The following CDK1 variants were observed in gnomAD, a reference collection of about 807,000 sequenced individuals.
CDK1 encodes the protein cyclin-dependent kinase 1.
In CDK1, 5 loss-of-function variants were observed where a neutral mutation model predicts 34.6. That is an observed-to-expected ratio of 0.14 (90% CI 0.08 to 0.30). The LOEUF is 0.30. Among genes scored for constraint, CDK1 ranks in the 10% least tolerant of loss-of-function variants. CDK1 has a pLI of 1.00. For missense variants in CDK1, 157 were observed against 345.7 expected, an observed-to-expected ratio of 0.45 and a Z score of 4.33; for synonymous variants, 108 against 114.7, an observed-to-expected ratio of 0.94 and a Z score of 0.37.
intron 2 of CDK1, among the ~76,000 whole-genome samples, chr10:60,783,015 T>C (rs977153703): frequency 1.3e-5 from 2 of 152,154 alleles, no homozygotes; most frequent in African/African-American, 4.8e-5. Flanking sequence ...AAATTAGTTC[T>C]GAACTTACCA....
chr10:60,786,419 A>C (rs1180025149), intron 4 of CDK1: 1 of 714,142 alleles, frequency 1.4e-6, no homozygotes, highest in Non-Finnish European at 1.7e-6. Flanking sequence ...CAAGACGTAG[A>C]TCTACCTATG....
Position 60,792,242 on chromosome 10 carries a change from G to A in CDK1, c.748G>A (p.Ala250Thr), listed in dbSNP as rs1208109737. The A allele has an allele frequency of 1.2e-6, 2 of 1,612,300 alleles. No individual in the cohort carries two copies. The highest frequency in any genetic ancestry group is 2.2e-5 in the South Asian group (2 of 90,800). ...TFPKWKPGSL[A>T]SHVKNLDENG... is the part of the protein sequence containing the mutation. Reference sequence around the variant, plus strand: ...TCCCAAATGGAAACCAGGAAGCCTAGCATCCCATGTCAAAAACTTGGATGA... The same window carrying A: ...TCCCAAATGGAAACCAGGAAGCCTAACATCCCATGTCAAAAACTTGGATGA... Residue 250 changes from alanine to threonine, a missense_variant, in exon 7 of 8, where the codon GCA becomes ACA. Ala to Thr is a moderately conservative substitution (Grantham distance 58). Around this residue, in one of 3 missense-constraint regions of CDK1, gnomAD observed 102 missense variants for 233.6 expected, o/e 0.44. Coordinates refer to ENST00000395284, the MANE Select transcript of CDK1 (RefSeq NM_001786.5).
At chr10:60,787,052 T>C in intron 4 of CDK1, 1 of 984,778 alleles carries the variant, frequency 1.0e-6, no homozygotes, top group Non-Finnish European at 1.2e-6. Flanking sequence ...GGATACAGAT[T>C]CTGCTTTATC....
Position 60,788,156 on chromosome 10 carries a change from A to C in CDK1, c.415A>C (p.Lys139Gln), listed in dbSNP as rs767353239. 6.2e-7 allele frequency: 1 copy of C among 1,611,648 alleles called. No individual in the cohort carries two copies. Among genetic ancestry groups the C allele is most frequent in the Admixed American group, 1.7e-5 (1 of 59,926 alleles). Residue 139 changes from lysine to glutamine, a missense_variant, in exon 5 of 8, where the codon AAA becomes CAA. Lys to Gln is a moderately conservative substitution (Grantham distance 53). Around this residue, in one of 3 missense-constraint regions of CDK1, gnomAD observed 102 missense variants for 233.6 expected, o/e 0.44. Transcript: ENST00000395284. ...ACCTCAAAATCTCTTGATTGATGAC[A>C]AAGGAACAATTAAACTGGCTGATTT... is the stretch of plus-strand genomic sequence containing the variant. ...LKPQNLLIDD[K>Q]GTIKLADFGL... is the part of the protein sequence containing the mutation.
rs972334861 is a variant in CDK1, at chr10:60,793,987, A to T, written c.*12A>T. ...TTAAGAAGATGTAGCTTTCTGACAA[A>T]AAGTTTCCATATGTTATATCAACAG... On this transcript the variant is annotated 3_prime_UTR_variant, in exon 8 of 8. Transcript: ENST00000395284. The T allele has an allele frequency of 1.5e-6, 2 of 1,343,334 alleles. No individual in the cohort carries two copies. Among genetic ancestry groups the T allele is most frequent in the Non-Finnish European group, 2.0e-6 (2 of 976,468 alleles). 83.2% of individuals were successfully genotyped at this position (1,343,334 alleles called of 1,614,324 possible).
intron 5 of CDK1, among the ~76,000 whole-genome samples, chr10:60,789,016 C>T (rs908289601): frequency 3.3e-5 from 5 of 152,054 alleles, no homozygotes; most frequent in African/African-American, 1.2e-4. Context: ...AATATTTTTA[C>T]CATATGATAA....
intron 2 of CDK1, among the ~76,000 whole-genome samples, chr10:60,782,719 C>T (rs1343218345): frequency 6.6e-6 from 1 of 152,006 alleles, no homozygotes; most frequent in East Asian, 1.9e-4. Flanking sequence ...TGATTTTTGC[C>T]TCCTTAGTTA....
At chr10:60,793,449 T>TG (rs2080375330) in intron 7 of CDK1, among the ~76,000 whole-genome samples, 1 of 152,038 alleles carries the variant, frequency 6.6e-6, no homozygotes, top group Admixed American at 6.6e-5. Flanking sequence ...CATTGTGCTA[T>TG]GGGGGGTTTT....
At position 60,794,267 on chromosome 10, in the gene CDK1, C is replaced by T. The variant is rs2080382701; in HGVS notation, c.*292C>T. Reference sequence around the variant, plus strand: ...TGAGTTGGCTTAAATCATCTCAGTCCTTATGGCAGTTTTATTTTCCTGTAG... The same window carrying T: ...TGAGTTGGCTTAAATCATCTCAGTCTTTATGGCAGTTTTATTTTCCTGTAG... On this transcript the variant is annotated 3_prime_UTR_variant, in exon 8 of 8. Coordinates refer to ENST00000395284, the MANE Select transcript of CDK1 (RefSeq NM_001786.5). 1.0e-5 allele frequency: 2 copies of T among 196,350 alleles called. No individual in the cohort carries two copies. The highest frequency in any genetic ancestry group is 4.6e-5 in the African/African-American group (2 of 43,016). The allele number at this position is 196,350 out of a possible 1,614,324, so 12.2% of individuals were successfully genotyped here.
At chr10:60,788,516 T>C (rs967178276) in intron 5 of CDK1, among the ~76,000 whole-genome samples, 1 of 152,094 alleles carries the variant, frequency 6.6e-6, no homozygotes, top group East Asian at 1.9e-4. Context: ...TTTTCATTAT[T>C]TTTTACTTTA....
intron 5 of CDK1, 39 bp from the exon 6 acceptor site, chr10:60,791,851 C>T (rs2080362318): frequency 1.7e-6 from 2 of 1,196,618 alleles, no homozygotes; most frequent in Non-Finnish European, 2.4e-6. Context: ...TAATTTTATG[C>T]ACCACATTTA....
intron 5 of CDK1, among the ~76,000 whole-genome samples, chr10:60,789,967 G>A (rs1159786932): frequency 6.6e-6 from 1 of 152,058 alleles, no homozygotes; most frequent in African/African-American, 2.4e-5. Flanking sequence ...GCTCATTGTG[G>A]TTTTGATTTG....
At position 60,793,986 on chromosome 10, in the gene CDK1, A is replaced by T. The variant is rs552363907; in HGVS notation, c.*11A>T. 4 of 1,341,938 alleles carry T rather than the reference A, an allele frequency of 3.0e-6. No homozygotes were observed. The East Asian group carries it at 7.8e-5, about 26-fold the overall frequency. The allele number at this position is 1,341,938 out of a possible 1,614,324, so 83.1% of individuals were successfully genotyped here. On this transcript the variant is annotated 3_prime_UTR_variant, in exon 8 of 8. Transcript: ENST00000395284. ...ATTAAGAAGATGTAGCTTTCTGACA[A>T]AAAGTTTCCATATGTTATATCAACA...
intron 7 of CDK1, among the ~76,000 whole-genome samples, chr10:60,792,921 A>G (rs2080371166): frequency 1.3e-5 from 2 of 152,086 alleles, no homozygotes; most frequent in African/African-American, 4.8e-5. Context: ...TGTGCATCAT[A>G]ACTTGTTTAG....
intron 4 of CDK1, chr10:60,787,118 G>T: frequency 1.0e-6 from 1 of 966,304 alleles, no homozygotes; most frequent in Non-Finnish European, 1.2e-6. Flanking sequence ...GGCAACAATG[G>T]TTTTACTTAC....
rs190289217 is a variant in CDK1, at chr10:60,780,867, A to G, written c.37+665A>G. The stretch of plus-strand genomic sequence containing the variant: ...TTCTCCAGGTACAAAATAATTTGCT[A>G]ATAGAATCCAGTTTATATAGGTTCT... On this transcript the variant is annotated intron_variant, in intron 2 of 7. Transcript: ENST00000395284. 4.0e-4 allele frequency among the ~76,000 whole-genome samples: 61 copies of G among 152,166 alleles called. No homozygotes were observed. The East Asian group carries it at 9.1e-3, about 23-fold the overall frequency.
intron 7 of CDK1, among the ~76,000 whole-genome samples, chr10:60,792,547 T>C (rs1320727920): frequency 9.6e-5 from 1 of 10,418 alleles, no homozygotes. Flanking sequence ...TTAATACACA[T>C]TTTTTTTTTT....
chr10:60,784,710 T>C lies in CDK1; in HGVS notation c.43T>C (p.Tyr15His). The change falls in exon 3 of 8, where the codon TAT (tyrosine) becomes CAT (histidine). Residue 15 changes from tyrosine (Y) to histidine (H), a missense_variant. Around this residue, in one of 3 missense-constraint regions of CDK1, gnomAD observed 53 missense variants for 89.2 expected, o/e 0.59. Coordinates refer to ENST00000395284, the MANE Select transcript of CDK1 (RefSeq NM_001786.5). ...TATTATTTACTTTGTTTCAGGTACC[T>C]ATGGAGTTGTGTATAAGGGTAGACA... ...TKIEKIGEGT[Y>H]GVVYKGRHKT... The C allele has an allele frequency of 6.2e-7, 1 of 1,608,642 alleles. No individual in the cohort carries two copies. The highest frequency in any genetic ancestry group is 8.5e-7 in the Non-Finnish European group (1 of 1,175,596).
Position 60,788,049 on chromosome 10 carries a change from G to A in CDK1, c.319-11G>A. 1.5e-6 allele frequency: 2 copies of A among 1,340,974 alleles called. No individual in the cohort carries two copies. The highest frequency in any genetic ancestry group is 9.8e-7 in the Non-Finnish European group (1 of 1,019,176). 83.1% of individuals were successfully genotyped at this position (1,340,974 alleles called of 1,614,324 possible). Reference sequence around the variant, plus strand: ...TCGCTTAAGTTTCTAACTTTTACTTGCTTTTTCCAGAGTTATTTATACCAA... The same window carrying A: ...TCGCTTAAGTTTCTAACTTTTACTTACTTTTTCCAGAGTTATTTATACCAA... On this transcript the variant is annotated splice_polypyrimidine_tract_variant and intron_variant, in intron 4 of 7. Transcript: ENST00000395284.
Sources: allele counts gnomAD v4.1 joint callset (sites outside exome capture counted in the v4.1 genomes callset), GRCh38; gene constraint gnomAD v4.1.1; regional missense constraint gnomAD v4.1.1; transcripts MANE v1.5; gene names NCBI Gene and HGNC (gene_info 2026-07-23, HGNC 2026-07-21).